Variants in TEX14 observed in about 807,000 individuals in gnomAD.
The protein encoded by TEX14 is inactive serine/threonine-protein kinase TEX14.
In TEX14, 168 loss-of-function variants were observed where a neutral mutation model predicts 178.6. The observed-to-expected ratio is 0.94, with a 90% CI of 0.83 to 1.07. TEX14 has a LOEUF of 1.07. TEX14 is among the 50% of genes least tolerant of loss of function. The pLI, the probability that TEX14 is intolerant of heterozygous loss-of-function variation, is 0.00. For missense variants in TEX14, 1,730 were observed against 1,753.6 expected, an observed-to-expected ratio of 0.99 and a Z score of 0.24; for synonymous variants, 626 against 634.1, an observed-to-expected ratio of 0.99 and a Z score of 0.19.
chr17:58,659,112 A>T (rs654778), intron 1 of TEX14, among the ~76,000 whole-genome samples: 1 of 151,832 alleles, frequency 6.6e-6, no homozygotes, highest in African/African-American at 2.4e-5. Flanking sequence ...CACACGCAAC[A>T]ACACACAAGC....
At chr17:58,631,203 T>C (rs919513693) in intron 2 of TEX14, 2 of 946,768 alleles carry the variant, frequency 2.1e-6, no homozygotes, top group Non-Finnish European at 2.5e-6. Context: ...GGCTCACGCC[T>C]GTAATGCCAG....
intron 1 of TEX14, among the ~76,000 whole-genome samples, chr17:58,657,821 T>C (rs569232507): frequency 1.3e-5 from 2 of 152,318 alleles, no homozygotes; most frequent in African/African-American, 4.8e-5. Flanking sequence ...GTCTGGGGAC[T>C]AGATTGCCTT....
intron 1 of TEX14, among the ~76,000 whole-genome samples, chr17:58,656,751 C>CA (rs71143264): frequency 0.65 from 84,134 of 130,346 alleles, 26,740 homozygotes; most frequent in African/African-American, 0.71. Flanking sequence ...GACTCTGTCT[C>CA]AAAAAAAAAA....
rs762833862 is a variant in TEX14, at chr17:58,574,247, G to A, written c.3323C>T (p.Thr1108Ile). The change falls in exon 22 of 32, where the codon ACT becomes ATT. Residue 1108 changes from threonine (T) to isoleucine (I), a missense_variant and splice_region_variant. This residue lies in a region of TEX14 where 941 missense variants were observed against 1,072.4 expected (regional missense o/e 0.88). Transcript: ENST00000349033. The part of the protein sequence containing the change: ...PRSQFQPVRS[T>I]EDEQEETSKE... ...TGATGTCTCTTCTTGTTCATCTTCAGTACTGTGAGAAAGAAAGTAAGAAAA... is the reference window on the plus strand; with the variant it reads ...TGATGTCTCTTCTTGTTCATCTTCAATACTGTGAGAAAGAAAGTAAGAAAA... The A allele has an allele frequency of 1.4e-5, 22 of 1,611,552 alleles. No homozygotes were observed. Among genetic ancestry groups the A allele is most frequent in the Non-Finnish European group, 1.4e-5 (16 of 1,178,200 alleles).
chr17:58,618,849 A>G (rs1305175426), intron 5 of TEX14, among the ~76,000 whole-genome samples: 1 of 152,228 alleles, frequency 6.6e-6, no homozygotes, highest in East Asian at 1.9e-4. Context: ...ACTGAGATAA[A>G]CTGAGCATCC....
intron 1 of TEX14, among the ~76,000 whole-genome samples, chr17:58,690,853 A>T (rs1008948527): frequency 6.6e-6 from 1 of 152,132 alleles, no homozygotes; most frequent in Non-Finnish European, 1.5e-5. Flanking sequence ...TCTTGGCTTT[A>T]AGAAAACTGT....
intron 1 of TEX14, among the ~76,000 whole-genome samples, chr17:58,667,401 T>G (rs1429460402): frequency 6.6e-6 from 1 of 152,170 alleles, no homozygotes; most frequent in Non-Finnish European, 1.5e-5. Context: ...ACGAACAGCT[T>G]AAACCTTAAA....
intron 12 of TEX14, 26 bp from the exon 13 acceptor site, chr17:58,601,982 G>A: frequency 6.2e-7 from 1 of 1,611,122 alleles, no homozygotes. Flanking sequence ...TATTGTCAAG[G>A]ACATAGTCTC....
chr17:58,654,245 C>T (rs533993577), intron 1 of TEX14, among the ~76,000 whole-genome samples: 1 of 152,082 alleles, frequency 6.6e-6, no homozygotes, highest in Non-Finnish European at 1.5e-5. Flanking sequence ...AATGCAAAAA[C>T]AAACCCATTA....
intron 1 of TEX14, among the ~76,000 whole-genome samples, chr17:58,663,630 C>T (rs1014502853): frequency 1.3e-5 from 2 of 151,912 alleles, no homozygotes; most frequent in African/African-American, 4.8e-5. Context: ...CCACGCCTGG[C>T]TAATTTTTTG....
chr17:58,586,188 A>C (rs974658854), intron 17 of TEX14, 106 bp from the exon 18 acceptor site: 38 of 1,294,252 alleles, frequency 2.9e-5, no homozygotes, highest in Non-Finnish European at 3.8e-5. Context: ...TAGTGTAACA[A>C]TTGCCTTTTT....
chr17:58,610,303 A>G (rs1598384090), intron 10 of TEX14, among the ~76,000 whole-genome samples: 1 of 152,312 alleles, frequency 6.6e-6, no homozygotes, highest in Non-Finnish European at 1.5e-5. Flanking sequence ...CTCTCCTTCC[A>G]GGATGCACAG....
At chr17:58,609,132 C>T (rs1007988368) in intron 10 of TEX14, among the ~76,000 whole-genome samples, 2 of 152,074 alleles carry the variant, frequency 1.3e-5, no homozygotes, top group African/African-American at 4.8e-5. Context: ...TTTCTTGAGA[C>T]AGAGTCTCGC....
chr17:58,679,149 C>T (rs975902109), intron 1 of TEX14, among the ~76,000 whole-genome samples: 1 of 151,586 alleles, frequency 6.6e-6, no homozygotes, highest in Non-Finnish European at 1.5e-5. Context: ...AGCGAAACGC[C>T]GTCTCCAAGA....
chr17:58,564,742 G>T, intron 28 of TEX14, 127 bp downstream of exon 28: 1 of 502,918 alleles, frequency 2.0e-6, no homozygotes, highest in Non-Finnish European at 3.4e-6. Context: ...TTAGGAATAG[G>T]GGCTATTAGG....
At chr17:58,659,547 T>G (rs556161458) in intron 1 of TEX14, among the ~76,000 whole-genome samples, 1 of 152,214 alleles carries the variant, frequency 6.6e-6, no homozygotes, top group Non-Finnish European at 1.5e-5. Context: ...CGTCACCACC[T>G]GCTTCTGTAC....
intron 2 of TEX14, among the ~76,000 whole-genome samples, chr17:58,639,928 C>T (rs139397921): frequency 5.8e-4 from 88 of 152,310 alleles, no homozygotes; most frequent in Admixed American, 3.3e-3. Flanking sequence ...TACCAGTTCA[C>T]ACTTCTTAAA....
intron 26 of TEX14, among the ~76,000 whole-genome samples, chr17:58,567,566 G>A (rs1243458500): frequency 6.6e-6 from 1 of 152,180 alleles, no homozygotes; most frequent in East Asian, 1.9e-4. Context: ...TAGAGCTTTG[G>A]ATGTGAGCCC....
At chr17:58,626,036 C>A (rs776855546) in intron 3 of TEX14, among the ~76,000 whole-genome samples, 1 of 152,078 alleles carries the variant, frequency 6.6e-6, no homozygotes, top group Non-Finnish European at 1.5e-5. Context: ...GCGTGAGCCA[C>A]TGTGCCCGGC....
Sources: allele counts gnomAD v4.1 joint callset (sites outside exome capture counted in the v4.1 genomes callset), GRCh38; gene constraint gnomAD v4.1.1; regional missense constraint gnomAD v4.1.1; transcripts MANE v1.5; gene names NCBI Gene and HGNC (gene_info 2026-07-23, HGNC 2026-07-21).